Variants in ZNF608 observed in about 807,000 individuals in gnomAD.
ZNF608 encodes the protein zinc finger protein 608.
Under a neutral mutation model 109.0 loss-of-function variants are expected in ZNF608, and 12 were observed. That is an observed-to-expected ratio of 0.11 (90% confidence interval 0.07 to 0.18). The LOEUF (loss-of-function observed/expected upper bound fraction) is 0.18. Among genes scored for constraint, ZNF608 ranks in the 10% least tolerant of loss-of-function variants. The pLI, the probability that ZNF608 is intolerant of heterozygous loss-of-function variation, is 1.00. For missense variants in ZNF608, 1,707 were observed against 1,879.3 expected (o/e 0.91, Z 1.70); for synonymous variants, 732 against 717.4 (o/e 1.02, Z -0.33).
At position 124,745,064 on chromosome 5, in the gene ZNF608, G is replaced by A. The variant is rs954803292; in HGVS notation, c.-75C>T. 14 of 1,510,846 alleles carry A rather than the reference G, an allele frequency of 9.3e-6. No individual in the cohort carries two copies. The African/African-American group carries it at 1.1e-4, about 12-fold the overall frequency. The allele number at this position is 1,510,846 out of a possible 1,614,324, so 93.6% of individuals were successfully genotyped here. ...GATGAGGGGACATTCGTTTATCTCCGCTGGGCTTTCTCTCAAAGAAAAAAA... is the reference window on the plus strand; with the variant it reads ...GATGAGGGGACATTCGTTTATCTCCACTGGGCTTTCTCTCAAAGAAAAAAA... On this transcript the variant is annotated 5_prime_UTR_variant, in exon 2 of 10. Coordinates refer to ENST00000513986, the MANE Select transcript of ZNF608 (RefSeq NM_020747.3).
At chr5:124,671,919 T>G (rs1322202920) in intron 3 of ZNF608, among the ~76,000 whole-genome samples, 2 of 152,210 alleles carry the variant, frequency 1.3e-5, no homozygotes, top group Non-Finnish European at 2.9e-5. Flanking sequence ...ATTACAGGCA[T>G]GAGCCATTGT....
At chr5:124,669,517 T>A (rs747755700) in intron 3 of ZNF608, among the ~76,000 whole-genome samples, 2 of 152,196 alleles carry the variant, frequency 1.3e-5, no homozygotes, top group Non-Finnish European at 2.9e-5. Context: ...CCCTGCCAAG[T>A]GAACGCTATA....
At chr5:124,658,571 T>C (rs1751111588) in intron 3 of ZNF608, among the ~76,000 whole-genome samples, 1 of 152,216 alleles carries the variant, frequency 6.6e-6, no homozygotes, top group South Asian at 2.1e-4. Flanking sequence ...TCCTGCTCCT[T>C]GTCAGGCACC....
At chr5:124,720,126 T>C (rs1473324511) in intron 2 of ZNF608, among the ~76,000 whole-genome samples, 1 of 152,160 alleles carries the variant, frequency 6.6e-6, no homozygotes, top group African/African-American at 2.4e-5. Context: ...TGCCAGGCAC[T>C]GTATAGAGAT....
At chr5:124,711,417 T>C (rs1753484073) in intron 2 of ZNF608, among the ~76,000 whole-genome samples, 1 of 152,248 alleles carries the variant, frequency 6.6e-6, no homozygotes, top group Non-Finnish European at 1.5e-5. Flanking sequence ...GAAAAGATGC[T>C]AAGGCATTCC....
chr5:124,696,078 G>A (rs1175015205), intron 3 of ZNF608, among the ~76,000 whole-genome samples: 3 of 151,984 alleles, frequency 2.0e-5, no homozygotes, highest in African/African-American at 7.2e-5. Flanking sequence ...CAGCTACTCA[G>A]GAGGCTGAGG....
Position 124,744,823 on chromosome 5 carries a change from G to C in ZNF608, c.167C>G (p.Thr56Ser). 1 of 1,614,178 alleles carries C rather than the reference G, an allele frequency of 6.2e-7. No individual in the cohort carries two copies. Among genetic ancestry groups the C allele is most frequent in the Non-Finnish European group, 8.5e-7 (1 of 1,180,014 alleles). Residue 56 changes from threonine to serine, a missense_variant, in exon 2 of 10, where the codon ACC (threonine) becomes AGC (serine). Thr to Ser is a moderately conservative substitution (Grantham distance 58). Coordinates refer to ENST00000513986, the MANE Select transcript of ZNF608 (RefSeq NM_020747.3). The surrounding 1 kb of genome is among the most constrained non-coding windows in gnomAD (Gnocchi z 4.5). ...ATCCTTGGAGTTGCTGCTACTAGTGGTGGTGGTGGAATTATTCATCTCAAA... is the reference window on the plus strand; with the variant it reads ...ATCCTTGGAGTTGCTGCTACTAGTGCTGGTGGTGGAATTATTCATCTCAAA... ...QKFEMNNSTT[T>S]TSSSNSKDCG... is the part of the protein sequence containing the mutation.
chr5:124,744,410 T>C lies in ZNF608; in HGVS notation c.580A>G (p.Lys194Glu), dbSNP rs1749556682. 1.2e-6 allele frequency: 2 copies of C among 1,614,150 alleles called. No homozygotes were observed. The highest frequency in any genetic ancestry group is 1.7e-6 in the Non-Finnish European group (2 of 1,180,048). Reference protein sequence around the residue: ...CGKSKEEKPGKSQSSRGAKRD... With the variant: ...CGKSKEEKPGESQSSRGAKRD... Reference sequence around the variant, plus strand: ...TTGGCGCCTCGGCTGCTCTGGCTTTTACCTGGCTTCTCCTCTTTGCTTTTC... The same window carrying C: ...TTGGCGCCTCGGCTGCTCTGGCTTTCACCTGGCTTCTCCTCTTTGCTTTTC... Residue 194 changes from lysine (K) to glutamate (E), a missense_variant, in exon 2 of 10, where the codon AAA becomes GAA. Physicochemically the swap from Lys to Glu is moderately conservative, Grantham distance 56. This residue lies in a region of ZNF608 where 407 missense variants were observed against 398.7 expected (regional missense o/e 1.02). Coordinates refer to ENST00000513986, the MANE Select transcript of ZNF608 (RefSeq NM_020747.3). The surrounding 1 kb of genome is among the most constrained non-coding windows in gnomAD (Gnocchi z 4.5).
chr5:124,662,706 T>A (rs186902299), intron 3 of ZNF608, among the ~76,000 whole-genome samples: 309 of 152,330 alleles, frequency 2.0e-3, no homozygotes, highest in Non-Finnish European at 3.5e-3. Context: ...CTGCTCATCA[T>A]CAGCGTGTGT....
intron 2 of ZNF608, among the ~76,000 whole-genome samples, chr5:124,709,333 G>A (rs141586148): frequency 2.0e-5 from 3 of 152,214 alleles, no homozygotes; most frequent in East Asian, 3.9e-4. Context: ...TGTAAAATAC[G>A]CTTTAAACAG....
intron 3 of ZNF608, among the ~76,000 whole-genome samples, chr5:124,672,198 A>G (rs12655601): frequency 0.11 from 17,131 of 152,216 alleles, 1,158 homozygotes; most frequent in East Asian, 0.2. Context: ...AGTGATTTCC[A>G]ATCCTAGTGC....
intron 3 of ZNF608, among the ~76,000 whole-genome samples, chr5:124,688,754 T>C (rs916744887): frequency 6.6e-6 from 1 of 152,228 alleles, no homozygotes; most frequent in Non-Finnish European, 1.5e-5. Context: ...TAAATATCCA[T>C]TGTTAATGGA....
rs923521254 is a variant in ZNF608, at chr5:124,648,179, G to A, written c.2205C>T (p.Ala735=). The change falls in exon 5 of 10, where the codon GCC becomes GCT. Residue 735 remains alanine (A), a synonymous_variant. Coordinates refer to ENST00000513986, the MANE Select transcript of ZNF608 (RefSeq NM_020747.3). ...GGGCTGGGGCAGGGGCAATGGGCCG[G>A]GCACTTTTCAGTTTAGAGAGGTTTT... ...TDKNLSKLKS[A]RPIAPAPAPT... 1 of 1,613,306 alleles carries A rather than the reference G, an allele frequency of 6.2e-7. No individual in the cohort carries two copies. The highest frequency in any genetic ancestry group is 1.3e-5 in the African/African-American group (1 of 74,906).
chr5:124,675,219 C>T (rs1482182175), intron 3 of ZNF608, among the ~76,000 whole-genome samples: 3 of 152,146 alleles, frequency 2.0e-5, no homozygotes, highest in Non-Finnish European at 4.4e-5. Context: ...CACCTAAGTG[C>T]TAAGAAGAAA....
chr5:124,663,006 G>A (rs1476489863), intron 3 of ZNF608, among the ~76,000 whole-genome samples: 1 of 152,148 alleles, frequency 6.6e-6, no homozygotes, highest in Non-Finnish European at 1.5e-5. Context: ...TAGTATATAG[G>A]GCAGGAAAAT....
chr5:124,725,172 C>T (rs74916371), intron 2 of ZNF608, among the ~76,000 whole-genome samples: 1 of 152,234 alleles, frequency 6.6e-6, no homozygotes, highest in East Asian at 1.9e-4. Flanking sequence ...CCTAACTGTA[C>T]TCAGGTCCCT....
chr5:124,705,871 G>T (rs1184778434), intron 2 of ZNF608, among the ~76,000 whole-genome samples: 1 of 152,090 alleles, frequency 6.6e-6, no homozygotes, highest in Non-Finnish European at 1.5e-5. Flanking sequence ...ATGCACTGCT[G>T]CCCTAACAGT....
chr5:124,722,576 TACACACACACACACACACAC>T (rs10556672), intron 2 of ZNF608, among the ~76,000 whole-genome samples: 18 of 145,080 alleles, frequency 1.2e-4, no homozygotes, highest in African/African-American at 3.3e-4. Context: ...ACCCTTAAAA[TACACACACACACACACACAC>T]ACACACACAC....
rs1032738684 is a variant in ZNF608, at chr5:124,637,704, C to T, written c.*196G>A. On this transcript the variant is annotated 3_prime_UTR_variant, in exon 10 of 10. Transcript: ENST00000513986. The stretch of plus-strand genomic sequence containing the variant: ...ATATGTATATATACAGATATGTATA[C>T]GTATATATATATAAAACAGAAGTTT... 1.4e-5 allele frequency: 5 copies of T among 354,564 alleles called. No individual in the cohort carries two copies. Among genetic ancestry groups the T allele is most frequent in the South Asian group, 3.6e-5 (1 of 27,420 alleles). 22.0% of individuals were successfully genotyped at this position (354,564 alleles called of 1,614,324 possible).
Sources: gnomAD v4.1 joint callset for allele counts (sites outside exome capture counted in the v4.1 genomes callset) on GRCh38, gnomAD v4.1.1 for gene constraint, gnomAD v4.1.1 regional missense constraint, Gnocchi (gnomAD v3.1) non-coding constraint, MANE v1.5 for transcripts, NCBI Gene and HGNC (gene_info 2026-07-23, HGNC 2026-07-21) for gene names.